Variants in CALB2 observed in about 807,000 individuals in gnomAD.
CALB2 encodes calretinin.
A neutral mutation model predicts 45.9 loss-of-function variants in CALB2; 34 were observed. That is an observed-to-expected ratio of 0.74 (90% confidence interval 0.56 to 0.99). CALB2 has a LOEUF of 0.99. Among genes scored for constraint, CALB2 ranks in the 50% least tolerant of loss-of-function variants. The pLI, the probability that CALB2 is intolerant of heterozygous loss-of-function variation, is 0.00. For synonymous variants in CALB2, 142 were observed against 129.6 expected (o/e 1.10, Z -0.65); for missense variants, 344 against 339.3 (o/e 1.01, Z -0.11).
intron 7 of CALB2, 97 bp downstream of exon 7, chr16:71,384,122 C>A: frequency 3.7e-6 from 5 of 1,357,310 alleles, no homozygotes; most frequent in Non-Finnish European, 4.2e-6. Context: ...GTGACAGGTG[C>A]GGGTGTCAAG....
intron 4 of CALB2, among the ~76,000 whole-genome samples, chr16:71,379,386 T>C (rs1305554236): frequency 1.3e-5 from 2 of 152,220 alleles, no homozygotes; most frequent in East Asian, 3.8e-4. Context: ...TTCAAATTCA[T>C]GTCTCTTGAG....
chr16:71,373,293 C>G (rs1457182902), intron 2 of CALB2, among the ~76,000 whole-genome samples: 1 of 150,224 alleles, frequency 6.7e-6, no homozygotes, highest in East Asian at 1.9e-4. Context: ...CACAAATCCA[C>G]CGGTGAGCTC....
rs774019948 is a variant in CALB2 at position 71,383,425 on chromosome 16, A to G, written c.458A>G (p.Gln153Arg). The G allele has an allele frequency of 3.7e-6, 6 of 1,614,120 alleles. No individual in the cohort carries two copies. The highest frequency in any genetic ancestry group is 5.1e-6 in the Non-Finnish European group (6 of 1,179,970). Reference protein sequence around the residue: ...ANRPYDEPKLQEYTQTILRMF... With the variant: ...ANRPYDEPKLREYTQTILRMF... ...CGGCCGTACGATGAGCCCAAGCTCC[A>G]GGAATACACCCAAACCATAGTGAGT... Residue 153 changes from glutamine to arginine, a missense_variant, in exon 6 of 11, where the codon CAG becomes CGG. Gln to Arg is a conservative substitution (Grantham distance 43, BLOSUM62 1). Coordinates refer to ENST00000302628, the MANE Select transcript of CALB2 (RefSeq NM_001740.5).
At chr16:71,363,738 A>C (rs140776388) in intron 1 of CALB2, among the ~76,000 whole-genome samples, 72 of 152,366 alleles carry the variant, frequency 4.7e-4, no homozygotes, top group African/African-American at 1.7e-3. Flanking sequence ...TAGGGTCACA[A>C]AATATGTGAT....
chr16:71,375,092 C>T (rs923699269), intron 3 of CALB2, among the ~76,000 whole-genome samples: 6 of 152,216 alleles, frequency 3.9e-5, no homozygotes, highest in Admixed American at 1.3e-4. Flanking sequence ...GGTATTGTAA[C>T]CAAGTGGCAA....
At chr16:71,374,552 TGAA>T (rs1241584664) in intron 2 of CALB2, among the ~76,000 whole-genome samples, 190 bp from the exon 3 acceptor site, 2 of 152,136 alleles carry the variant, frequency 1.3e-5, no homozygotes, top group Non-Finnish European at 2.9e-5. Flanking sequence ...GACTGAGCCT[TGAA>T]GAAGAGATGA....
rs1317659380 is a variant in CALB2 at position 71,382,038 on chromosome 16, GAGGAGT to G, written c.343-675_343-670del. On this transcript the variant is annotated intron_variant, in intron 4 of 10. Coordinates refer to ENST00000302628, the MANE Select transcript of CALB2 (RefSeq NM_001740.5). The stretch of plus-strand genomic sequence containing the variant: ...AAAAGAGGAGGAGGAGGAGGAGGAG[GAGGAGT>G]AGGAGGAGGAGGAGAGGGGGAGGGG... Among the ~76,000 whole-genome samples, 137 of 123,892 alleles carry G rather than the reference GAGGAGT, an allele frequency of 1.1e-3. 4 individuals are homozygous for G. The highest frequency in any genetic ancestry group is 3.8e-3 in the African/African-American group (125 of 32,790). 81.3% of individuals were successfully genotyped at this position (123,892 alleles called of 152,430 possible). A position where few individuals can be genotyped will look rare whatever the true frequency, so the allele number is the denominator to read the frequency against.
intron 4 of CALB2, among the ~76,000 whole-genome samples, chr16:71,378,768 A>G (rs2042447418): frequency 6.6e-6 from 1 of 152,204 alleles, no homozygotes; most frequent in Non-Finnish European, 1.5e-5. Context: ...AAATCAAGCA[A>G]TAAAGAAAAC....
At chr16:71,359,930 C>T (rs965743259) in intron 1 of CALB2, among the ~76,000 whole-genome samples, 3 of 152,230 alleles carry the variant, frequency 2.0e-5, no homozygotes, top group African/African-American at 7.2e-5. Context: ...GGGGCTGACC[C>T]CAAAGGGAGG....
intron 1 of CALB2, among the ~76,000 whole-genome samples, chr16:71,369,961 C>G (rs1215900103): frequency 6.6e-6 from 1 of 152,146 alleles, no homozygotes; most frequent in Non-Finnish European, 1.5e-5. Context: ...CCTCACTCCC[C>G]TACTTTAGCC....
At chr16:71,367,738 A>G (rs1475539215) in intron 1 of CALB2, among the ~76,000 whole-genome samples, 1 of 152,244 alleles carries the variant, frequency 6.6e-6, no homozygotes, top group African/African-American at 2.4e-5. Context: ...GGCTCAGTTC[A>G]AAACATCAAG....
At chr16:71,371,554 C>T (rs2042350910) in intron 1 of CALB2, among the ~76,000 whole-genome samples, 1 of 152,156 alleles carries the variant, frequency 6.6e-6, no homozygotes, top group Admixed American at 6.5e-5. Flanking sequence ...CCACAGCGTT[C>T]CTTGGCTTGT....
At chr16:71,381,786 G>A (rs1445368160) in intron 4 of CALB2, among the ~76,000 whole-genome samples, 6 of 152,038 alleles carry the variant, frequency 3.9e-5, no homozygotes, top group Non-Finnish European at 7.4e-5. Context: ...GGCTGAGGTA[G>A]GAGGATCACT....
intron 1 of CALB2, among the ~76,000 whole-genome samples, chr16:71,367,067 C>T (rs186208411): frequency 3.9e-5 from 6 of 152,146 alleles, no homozygotes; most frequent in East Asian, 1.9e-4. Flanking sequence ...GGTGAAGCCT[C>T]CTCTAGGCAT....
intron 1 of CALB2, among the ~76,000 whole-genome samples, chr16:71,367,542 G>C (rs1567535568): frequency 1.3e-5 from 2 of 152,172 alleles, no homozygotes. Flanking sequence ...ATCGAGGGCT[G>C]GGTGTGGAGT....
At chr16:71,384,285 G>T (rs2042537517) in intron 7 of CALB2, 54 bp from the exon 8 acceptor site, 1 of 1,467,876 alleles carries the variant, frequency 6.8e-7, no homozygotes, top group East Asian at 2.3e-5. Context: ...CCCCTCTCCC[G>T]CTTGCCCTTG....
chr16:71,385,651 G>A lies in CALB2; in HGVS notation c.699+3G>A, dbSNP rs1470631141. The A allele has an allele frequency of 2.5e-6, 4 of 1,613,320 alleles. No homozygotes were observed. The highest frequency in any genetic ancestry group is 3.4e-6 in the Non-Finnish European group (4 of 1,179,804). On this transcript the variant is annotated splice_donor_region_variant and intron_variant, in intron 10 of 10. Coordinates refer to ENST00000302628, the MANE Select transcript of CALB2 (RefSeq NM_001740.5). ...ATCTGTACGAGAAAAACAAAAAGGT[G>A]AGCAGCCAAGCCTGAGGCCCGGCCA...
chr16:71,376,079 A>C (rs2042407982), intron 3 of CALB2, among the ~76,000 whole-genome samples: 1 of 152,176 alleles, frequency 6.6e-6, no homozygotes, highest in Non-Finnish European at 1.5e-5. Flanking sequence ...TGCTGATTCA[A>C]AGGGGCTTAA....
intron 4 of CALB2, among the ~76,000 whole-genome samples, chr16:71,380,860 A>G (rs1042595384): frequency 1.3e-5 from 2 of 152,146 alleles, no homozygotes; most frequent in Non-Finnish European, 2.9e-5. Context: ...AATTTTAGTG[A>G]TGCCTCAGGA....
Sources: gnomAD v4.1 joint callset for allele counts (sites outside exome capture counted in the v4.1 genomes callset) on GRCh38, gnomAD v4.1.1 for gene constraint, MANE v1.5 for transcripts, NCBI Gene and HGNC (gene_info 2026-07-23, HGNC 2026-07-21) for gene names.